The following DGKI variants were observed in gnomAD, a reference collection of about 807,000 sequenced individuals.
The protein encoded by DGKI is DAG kinase iota.
DGKI carries 55 observed loss-of-function variants against 147.5 expected under a neutral mutation model. The ratio of observed to expected loss-of-function variants is 0.37; its 90% confidence interval spans 0.30 to 0.47. The LOEUF (loss-of-function observed/expected upper bound fraction) is 0.47, where lower values mean the gene tolerates loss of function less well. Ranked by LOEUF, DGKI falls within the 20% of genes least tolerant of loss-of-function variation. The pLI is 1.00. For synonymous variants in DGKI, 469 were observed against 477.1 expected (o/e 0.98, Z 0.22); for missense variants, 1,007 against 1,323.8 (o/e 0.76, Z 3.71).
At chr7:137,412,768 G>A (rs1054141463) in intron 28 of DGKI, among the ~76,000 whole-genome samples, 10 of 152,120 alleles carry the variant, frequency 6.6e-5, no homozygotes, top group Non-Finnish European at 1.0e-4. Flanking sequence ...ATATTAAGAG[G>A]ACTGGAGACA....
At chr7:137,603,875 G>A (rs1820081940) in intron 10 of DGKI, among the ~76,000 whole-genome samples, 1 of 152,182 alleles carries the variant, frequency 6.6e-6, no homozygotes. Context: ...AGAGGAGACA[G>A]CTGAAGTGAG....
chr7:137,787,358 A>G (rs575201272), intron 1 of DGKI, among the ~76,000 whole-genome samples: 2 of 152,318 alleles, frequency 1.3e-5, no homozygotes, highest in Non-Finnish European at 2.9e-5. Flanking sequence ...CAACAAGCAC[A>G]GGAAAAATGC....
intron 1 of DGKI, among the ~76,000 whole-genome samples, chr7:137,815,552 C>T (rs1173046279): frequency 3.3e-5 from 5 of 152,168 alleles, no homozygotes; most frequent in Admixed American, 2.0e-4. Flanking sequence ...TTTTCTAATT[C>T]ACATATTCAA....
At chr7:137,422,590 C>CTTTTTT (rs1554400987) in intron 28 of DGKI, among the ~76,000 whole-genome samples, 3 of 58,366 alleles carry the variant, frequency 5.1e-5, no homozygotes, top group African/African-American at 1.1e-4. Context: ...TTTTCTTTTT[C>CTTTTTT]TTTTCTTTTT....
chr7:137,820,855 C>T (rs988982976), intron 1 of DGKI, among the ~76,000 whole-genome samples: 1 of 152,146 alleles, frequency 6.6e-6, no homozygotes, highest in Admixed American at 6.5e-5. Flanking sequence ...AGGGCCTCCC[C>T]CAGCCGGCAT....
intron 28 of DGKI, among the ~76,000 whole-genome samples, chr7:137,438,254 A>G (rs375775575): frequency 1.3e-5 from 2 of 152,154 alleles, no homozygotes; most frequent in African/African-American, 4.8e-5. Flanking sequence ...CAGGTGGGGA[A>G]AAGTGAGTAA....
Position 137,798,186 on chromosome 7 carries a change from C to T in DGKI, c.401+48276G>A, listed in dbSNP as rs922401345. Among the ~76,000 whole-genome samples, 6 of 152,028 alleles carry T rather than the reference C, an allele frequency of 3.9e-5. 1 individual carries two copies. Among genetic ancestry groups the T allele is most frequent in the African/African-American group, 1.4e-4 (6 of 41,390 alleles). ...AAGAGACCTATAATAACCAAAGAGA[C>T]TGAATTAGTAATTTTAAAAGTTCTC... On this transcript the variant is annotated intron_variant, in intron 1 of 32. Coordinates refer to ENST00000614521, the MANE Select transcript of DGKI (RefSeq NM_001321708.2).
chr7:137,592,366 C>G (rs1819646336), intron 12 of DGKI, among the ~76,000 whole-genome samples: 1 of 152,196 alleles, frequency 6.6e-6, no homozygotes, highest in Non-Finnish European at 1.5e-5. Flanking sequence ...TCTTTCCTTC[C>G]TTCCTAGGAA....
At chr7:137,392,680 A>G (rs1179515464) in intron 32 of DGKI, among the ~76,000 whole-genome samples, 1 of 152,196 alleles carries the variant, frequency 6.6e-6, no homozygotes, top group East Asian at 1.9e-4. Flanking sequence ...AATAATTTTT[A>G]TTCAACTTGT....
intron 28 of DGKI, among the ~76,000 whole-genome samples, chr7:137,434,533 A>G (rs949961965): frequency 1.3e-4 from 20 of 152,208 alleles, no homozygotes; most frequent in African/African-American, 4.6e-4. Context: ...GTGAGCCGAG[A>G]TTGTGCCACT....
chr7:137,454,529 C>A (rs1814107747), intron 27 of DGKI, among the ~76,000 whole-genome samples: 1 of 152,136 alleles, frequency 6.6e-6, no homozygotes. Flanking sequence ...AATAATACTT[C>A]ACAAGCTTAT....
chr7:137,458,122 A>C (rs1165171159), intron 27 of DGKI, among the ~76,000 whole-genome samples: 1 of 152,182 alleles, frequency 6.6e-6, no homozygotes, highest in Non-Finnish European at 1.5e-5. Flanking sequence ...AAGGTGCCCA[A>C]TACTGATTTG....
intron 1 of DGKI, among the ~76,000 whole-genome samples, chr7:137,793,194 TG>T (rs2116932902): frequency 6.6e-6 from 1 of 152,326 alleles, no homozygotes; most frequent in East Asian, 1.9e-4. Context: ...GACATTACCT[TG>T]GTCTCTGTCC....
At chr7:137,657,324 C>T (rs991734190) in intron 3 of DGKI, among the ~76,000 whole-genome samples, 15 of 152,160 alleles carry the variant, frequency 9.9e-5, no homozygotes, top group African/African-American at 3.6e-4. Flanking sequence ...ACAGCAGGGC[C>T]AAGTGGTCTG....
At position 137,618,151 on chromosome 7, in the gene DGKI, A is replaced by ATATATATATATT; in HGVS notation, c.993+1672_993+1673insAATATATATATA. On this transcript the variant is annotated intron_variant, in intron 8 of 32. Transcript: ENST00000614521. ...ACTATATATATATATATATATATAT[A>ATATATATATATT]TTTTTTTTTTTTTACTCTATCATTC... 2.6e-3 allele frequency among the ~76,000 whole-genome samples: 27 copies of ATATATATATATT among 10,456 alleles called. 1 individual carries two copies. Among genetic ancestry groups the ATATATATATATT allele is most frequent in the African/African-American group, 3.0e-3 (24 of 8,002 alleles). The allele number at this position is 10,456 out of a possible 152,430, so 6.9% of individuals were successfully genotyped here.
chr7:137,394,024 C>A (rs1731950), intron 32 of DGKI, among the ~76,000 whole-genome samples: 152,312 of 152,312 alleles, frequency 1, 76,156 homozygotes, highest in Non-Finnish European at 1. Flanking sequence ...CCATTGGCCC[C>A]AAACCTGAGC....
intron 28 of DGKI, among the ~76,000 whole-genome samples, chr7:137,437,676 C>G (rs1485190837): frequency 1.3e-5 from 2 of 152,032 alleles, no homozygotes; most frequent in Non-Finnish European, 2.9e-5. Context: ...CAATTATAAC[C>G]AAGTCACTCC....
chr7:137,811,935 G>A (rs991203355), intron 1 of DGKI, among the ~76,000 whole-genome samples: 1 of 152,146 alleles, frequency 6.6e-6, no homozygotes, highest in Non-Finnish European at 1.5e-5. Flanking sequence ...GACTCTTGAA[G>A]TATACATCTT....
At chr7:137,618,151 A>ATATATATATATATATATATATATATATT in intron 8 of DGKI, among the ~76,000 whole-genome samples, 3 of 10,462 alleles carry the variant, frequency 2.9e-4, no homozygotes, top group Non-Finnish European at 1.8e-3. Context: ...ATATATATAT[A>ATATATATATATATATATATATATATATT]TTTTTTTTTT....
Sources: allele counts gnomAD v4.1 joint callset (sites outside exome capture counted in the v4.1 genomes callset), GRCh38; gene constraint gnomAD v4.1.1; transcripts MANE v1.5; gene names NCBI Gene and HGNC (gene_info 2026-07-23, HGNC 2026-07-21).